Variants in CLRN3 observed in about 807,000 individuals in gnomAD.
CLRN3 encodes clarin-3.
A neutral mutation model predicts 16.7 loss-of-function variants in CLRN3; 12 were observed. That is an observed-to-expected ratio of 0.72 (90% CI 0.46 to 1.16). The LOEUF (loss-of-function observed/expected upper bound fraction) is 1.16, where lower values mean the gene tolerates loss of function less well. Among genes scored for constraint, CLRN3 ranks in the 50% most tolerant of loss-of-function variants. CLRN3 has a pLI of 0.00. For missense variants in CLRN3, 296 were observed against 274.2 expected (o/e 1.08, Z -0.56); for synonymous variants, 118 against 113.0 (o/e 1.04, Z -0.28).
At chr10:127,883,270 A>ATGTG (rs5788877) in intron 2 of CLRN3, among the ~76,000 whole-genome samples, 59 of 151,270 alleles carry the variant, frequency 3.9e-4, no homozygotes, top group East Asian at 1.6e-3. Flanking sequence ...TGGTGTGTTC[A>ATGTG]TGTGTGTGTG....
chr10:127,892,063 A>G lies in CLRN3; in HGVS notation c.229+493T>C, dbSNP rs530303929. Among the ~76,000 whole-genome samples the G allele has an allele frequency of 3.9e-5, 6 of 152,348 alleles. No individual in the cohort carries two copies. The South Asian group carries it at 1.2e-3, about 32-fold the overall frequency. On this transcript the variant is annotated intron_variant, in intron 1 of 2. Transcript: ENST00000368671. ...TAATAAATTAATGGAAATTTAATAT[A>G]ATTTCCAACGATTAGATTTTTTGGA... is the stretch of plus-strand genomic sequence containing the variant.
rs1845081453 is a variant in CLRN3 at position 127,878,215 on chromosome 10, T to C, written c.615A>G (p.Arg205=). ...VTIIIFYQKA[R]YQRKQEQRKP... is the part of the protein sequence containing the mutation. ...TTCTCTGCTCCTGCTTCCGCTGGTA[T>C]CTGGCCTTCTGGTAGAAAATGATGA... Residue 205 remains arginine, a synonymous_variant, in exon 3 of 3, where the codon AGA becomes AGG. Transcript: ENST00000368671. 1 of 1,614,086 alleles carries C rather than the reference T, an allele frequency of 6.2e-7. No homozygotes were observed.
chr10:127,885,111 C>A (rs1845178574), intron 1 of CLRN3, among the ~76,000 whole-genome samples: 1 of 152,118 alleles, frequency 6.6e-6, no homozygotes, highest in Non-Finnish European at 1.5e-5. Context: ...GCGAAAAGGC[C>A]AGGTAGGATC....
At chr10:127,879,162 T>C (rs777046106) in intron 2 of CLRN3, among the ~76,000 whole-genome samples, 3 of 152,198 alleles carry the variant, frequency 2.0e-5, no homozygotes, top group Non-Finnish European at 4.4e-5. Flanking sequence ...GGCTCTGAAG[T>C]GCAGTGGTAC....
intron 2 of CLRN3, among the ~76,000 whole-genome samples, chr10:127,880,946 C>A (rs1182459365): frequency 1.3e-5 from 2 of 152,146 alleles, no homozygotes; most frequent in African/African-American, 4.8e-5. Context: ...CAGGCTGAGC[C>A]TCCTGGAAAC....
At chr10:127,883,977 G>C in intron 1 of CLRN3, 102 bp from the exon 2 acceptor site, 1 of 1,115,882 alleles carries the variant, frequency 9.0e-7, no homozygotes, top group Non-Finnish European at 1.3e-6. Context: ...GTTACTGGTT[G>C]TTGGATGTCA....
intron 1 of CLRN3, 27 bp from the exon 2 acceptor site, chr10:127,883,902 G>A: frequency 6.2e-7 from 1 of 1,602,448 alleles, no homozygotes; most frequent in Non-Finnish European, 8.6e-7. Context: ...TGAGTGCATA[G>A]CACATAATGC....
intron 1 of CLRN3, among the ~76,000 whole-genome samples, chr10:127,888,600 G>A (rs1168663563): frequency 6.6e-6 from 1 of 152,144 alleles, no homozygotes; most frequent in Non-Finnish European, 1.5e-5. Context: ...GAGAACACAT[G>A]GAGGTTAGTG....
intron 2 of CLRN3, among the ~76,000 whole-genome samples, chr10:127,880,988 AG>A (rs1845121343): frequency 6.6e-6 from 1 of 152,134 alleles, no homozygotes; most frequent in African/African-American, 2.4e-5. Flanking sequence ...CAACCCTCAA[AG>A]CTCCTGTGAG....
chr10:127,878,801 G>T (rs1310040277), intron 2 of CLRN3, among the ~76,000 whole-genome samples: 1 of 152,218 alleles, frequency 6.6e-6, no homozygotes. Flanking sequence ...GAAGGACAGG[G>T]CATCACAGAT....
intron 1 of CLRN3, among the ~76,000 whole-genome samples, chr10:127,886,713 G>T (rs1845199058): frequency 6.6e-6 from 1 of 152,230 alleles, no homozygotes; most frequent in Non-Finnish European, 1.5e-5. Flanking sequence ...CAGCTCAGTG[G>T]CATGAGGACG....
At chr10:127,885,819 G>A (rs903474064) in intron 1 of CLRN3, among the ~76,000 whole-genome samples, 6 of 151,562 alleles carry the variant, frequency 4.0e-5, no homozygotes, top group Admixed American at 1.3e-4. Flanking sequence ...GCAATGGTGC[G>A]ATCTCGGCTC....
intron 1 of CLRN3, among the ~76,000 whole-genome samples, chr10:127,888,007 C>T (rs377444127): frequency 9.8e-5 from 15 of 152,330 alleles, no homozygotes; most frequent in African/African-American, 2.9e-4. Context: ...GAGAGCCATC[C>T]GGACATCTGG....
intron 2 of CLRN3, among the ~76,000 whole-genome samples, chr10:127,878,682 C>T (rs933788639): frequency 6.6e-6 from 1 of 152,210 alleles, no homozygotes; most frequent in African/African-American, 2.4e-5. Flanking sequence ...TGTAACTTGT[C>T]TACCAAACAG....
Position 127,892,827 on chromosome 10 carries a change from C to A in CLRN3, c.-43G>T, listed in dbSNP as rs137990791. ...TTCTCTAGGACAAAAAAAGGAATAT[C>A]TTCTTATAACACTTTTGAACCTTAT... On this transcript the variant is annotated 5_prime_UTR_variant, in exon 1 of 3. Coordinates refer to ENST00000368671, the MANE Select transcript of CLRN3 (RefSeq NM_152311.5). 1 of 1,123,444 alleles carries A rather than the reference C, an allele frequency of 8.9e-7. No individual in the cohort carries two copies. The highest frequency in any genetic ancestry group is 1.5e-5 in the African/African-American group (1 of 65,202). 69.6% of individuals were successfully genotyped at this position (1,123,444 alleles called of 1,614,324 possible). A position where few individuals can be genotyped will look rare whatever the true frequency, so the allele number is the denominator to read the frequency against.
In CLRN3 at chr10:127,892,626, G is replaced by A. The variant is rs777423555; in HGVS notation, c.159C>T (p.Tyr53=). 64 of 1,613,030 alleles carry A rather than the reference G, an allele frequency of 4.0e-5. No individual in the cohort carries two copies. Among genetic ancestry groups the A allele is most frequent in the Admixed American group, 3.7e-4 (22 of 59,992 alleles). The change falls in exon 1 of 3, where the codon TAC becomes TAT. Residue 53 remains tyrosine, a synonymous_variant. Transcript: ENST00000368671. ...CACTACTCTCCCCACGAAAAAGTCCGTAAGTGATGAAAATGCTCCCATTTG... is the reference window on the plus strand; with the variant it reads ...CACTACTCTCCCCACGAAAAAGTCCATAAGTGATGAAAATGCTCCCATTTG... The part of the protein sequence containing the change: ...SASNGSIFIT[Y]GLFRGESSEE...
chr10:127,883,012 A>T (rs12259559), intron 2 of CLRN3, among the ~76,000 whole-genome samples: 1 of 152,176 alleles, frequency 6.6e-6, no homozygotes, highest in African/African-American at 2.4e-5. Context: ...CTGTGAGTCA[A>T]AGCTGGGACC....
Position 127,878,200 on chromosome 10 carries a change from C to T in CLRN3, c.630G>A (p.Gln210=), listed in dbSNP as rs1845081202. The change falls in exon 3 of 3, where the codon CAG becomes CAA. Residue 210 remains glutamine (Q), a synonymous_variant. Transcript: ENST00000368671. ...FYQKARYQRK[Q]EQRKPMEYAP... is the part of the protein sequence containing the mutation. ...CATATTCCATTGGCTTTCTCTGCTC[C>T]TGCTTCCGCTGGTATCTGGCCTTCT... The T allele has an allele frequency of 6.2e-7, 1 of 1,614,142 alleles. No homozygotes were observed. The highest frequency in any genetic ancestry group is 8.5e-7 in the Non-Finnish European group (1 of 1,179,968).
rs575766305 is a variant in CLRN3 at position 127,879,572 on chromosome 10, A to G, written c.410-1152T>C. On this transcript the variant is annotated intron_variant, in intron 2 of 2. Transcript: ENST00000368671. ...AAGGGAATGAGATAGAGACAAAAAA[A>G]AAAATGTAGATTAGGGCTTTCGCGG... 3.9e-5 allele frequency among the ~76,000 whole-genome samples: 6 copies of G among 152,042 alleles called. No individual in the cohort carries two copies. In the South Asian group the frequency reaches 1.2e-3, roughly 32 times the overall value.
Sources: gnomAD v4.1 joint callset for allele counts (sites outside exome capture counted in the v4.1 genomes callset) on GRCh38, gnomAD v4.1.1 for gene constraint, MANE v1.5 for transcripts, NCBI Gene and HGNC (gene_info 2026-07-23, HGNC 2026-07-21) for gene names.